The following TSPEAR variants were observed in gnomAD, a reference collection of about 807,000 sequenced individuals.
TSPEAR encodes the protein thrombospondin type laminin G domain and EAR repeats, also known as thrombospondin-type laminin G domain and EAR repeat-containing protein.
A neutral mutation model predicts 71.6 loss-of-function variants in TSPEAR; 69 were observed. The observed-to-expected ratio is 0.96, with a 90% confidence interval of 0.79 to 1.18. The LOEUF (loss-of-function observed/expected upper bound fraction) is 1.18. TSPEAR is among the 50% of genes most tolerant of loss of function. The pLI is 0.00. For synonymous variants in TSPEAR, 402 were observed against 387.2 expected, an observed-to-expected ratio of 1.04 and a Z score of -0.45; for missense variants, 971 against 894.9, an observed-to-expected ratio of 1.09 and a Z score of -1.09.
intron 2 of TSPEAR, among the ~76,000 whole-genome samples, chr21:44,538,519 G>A (rs1158261707): frequency 2.0e-5 from 3 of 151,552 alleles, no homozygotes; most frequent in African/African-American, 7.3e-5. Context: ...TGTTCCCATC[G>A]AGTCCCTTGT....
At chr21:44,676,289 G>A in intron 1 of TSPEAR, 1 of 1,225,838 alleles carries the variant, frequency 8.2e-7, no homozygotes, top group Non-Finnish European at 1.2e-6. Context: ...AGGGACTCTG[G>A]AGGGATAGCT....
intron 1 of TSPEAR, among the ~76,000 whole-genome samples, chr21:44,613,273 AC>A (rs1296255417): frequency 3.9e-5 from 6 of 152,162 alleles, no homozygotes; most frequent in Admixed American, 1.3e-4. Flanking sequence ...TCCAGCCATG[AC>A]CGTTTCTAGG....
chr21:44,541,219 T>C (rs1555917204), intron 2 of TSPEAR, among the ~76,000 whole-genome samples: 1 of 152,224 alleles, frequency 6.6e-6, no homozygotes, highest in Non-Finnish European at 1.5e-5. Flanking sequence ...CCTAAAATCA[T>C]GCCTGGCCCA....
chr21:44,682,084 AGGCT>A, intron 1 of TSPEAR: 3 of 1,613,928 alleles, frequency 1.9e-6, no homozygotes, highest in Non-Finnish European at 2.5e-6. Context: ...GGCGCGCAGC[AGGCT>A]GGCTGGCAGC....
In TSPEAR at chr21:44,627,240, A is replaced by G. The variant is rs782801889; in HGVS notation, c.83-59235T>C. Reference sequence around the variant, plus strand: ...ACTCCTGGCAGGTGGACGACTGCCCAGAGAGCTGCTGTGAGCCCCCCTGCT... The same window carrying G: ...ACTCCTGGCAGGTGGACGACTGCCCGGAGAGCTGCTGTGAGCCCCCCTGCT... On this transcript the variant is annotated intron_variant, in intron 1 of 11. Coordinates refer to ENST00000323084, the MANE Select transcript of TSPEAR (RefSeq NM_144991.3). 8.7e-6 allele frequency: 14 copies of G among 1,612,728 alleles called. No homozygotes were observed. In the African/African-American group the frequency reaches 9.3e-5, roughly 11 times the overall value.
intron 2 of TSPEAR, chr21:44,558,213 G>A: frequency 6.4e-7 from 1 of 1,565,572 alleles, no homozygotes; most frequent in South Asian, 1.1e-5. Context: ...ACAGCAGGTG[G>A]ACCTGCACAC....
chr21:44,677,788 G>T, intron 1 of TSPEAR: 2 of 1,300,778 alleles, frequency 1.5e-6, no homozygotes, highest in Admixed American at 1.7e-5. Context: ...GATTTCTTTG[G>T]CAATGGAACA....
chr21:44,707,774 C>T (rs887355622), intron 1 of TSPEAR, among the ~76,000 whole-genome samples: 4 of 152,094 alleles, frequency 2.6e-5, no homozygotes, highest in Non-Finnish European at 4.4e-5. Context: ...GGCTAAGCCT[C>T]TGATTCTCTA....
At chr21:44,609,918 T>C (rs1157258533) in intron 1 of TSPEAR, among the ~76,000 whole-genome samples, 1 of 152,196 alleles carries the variant, frequency 6.6e-6, no homozygotes, top group Non-Finnish European at 1.5e-5. Context: ...GAGAAAGTAC[T>C]TTCCTCCACA....
intron 2 of TSPEAR, among the ~76,000 whole-genome samples, chr21:44,541,125 C>T (rs587677248): frequency 1.5e-3 from 224 of 152,240 alleles, no homozygotes; most frequent in Middle Eastern, 0.014. Flanking sequence ...ATTGTCCTTG[C>T]TGTCCTCAGC....
intron 1 of TSPEAR, among the ~76,000 whole-genome samples, chr21:44,674,375 A>G (rs914978778): frequency 1.3e-5 from 2 of 152,058 alleles, no homozygotes; most frequent in South Asian, 4.1e-4. Context: ...CCAATACACA[A>G]AATCAGAAAT....
chr21:44,499,600 C>G lies in TSPEAR; in HGVS notation c.*183G>C, dbSNP rs907026381. On this transcript the variant is annotated 3_prime_UTR_variant, in exon 12 of 12. Coordinates refer to ENST00000323084, the MANE Select transcript of TSPEAR (RefSeq NM_144991.3). ...TCACTGGGGCTGTGGCTCAGAAGGACTCAGAGGTGGATGGATGTCCCTGCC... is the reference window on the plus strand; with the variant it reads ...TCACTGGGGCTGTGGCTCAGAAGGAGTCAGAGGTGGATGGATGTCCCTGCC... 1 of 591,758 alleles carries G rather than the reference C, an allele frequency of 1.7e-6. No homozygotes were observed. Among genetic ancestry groups the G allele is most frequent in the Non-Finnish European group, 2.8e-6 (1 of 351,400 alleles). The allele number at this position is 591,758 out of a possible 1,614,324, so 36.7% of individuals were successfully genotyped here. A position where few individuals can be genotyped will look rare whatever the true frequency, so the allele number is the denominator to read the frequency against.
intron 2 of TSPEAR, among the ~76,000 whole-genome samples, chr21:44,547,022 C>A (rs1216629683): frequency 6.6e-6 from 1 of 152,146 alleles, no homozygotes; most frequent in Non-Finnish European, 1.5e-5. Flanking sequence ...TTGATGGTGT[C>A]CCACAGGTCT....
chr21:44,672,440 G>A (rs1601551472), intron 1 of TSPEAR, among the ~76,000 whole-genome samples: 2 of 152,302 alleles, frequency 1.3e-5, no homozygotes, highest in South Asian at 4.1e-4. Context: ...CGTGGTGGCA[G>A]GTGCCTGTAG....
chr21:44,646,358 A>T, intron 1 of TSPEAR: 1 of 1,488,068 alleles, frequency 6.7e-7, no homozygotes, highest in Non-Finnish European at 9.0e-7. Context: ...CCAGGGAGGG[A>T]TTTAAAAGCC....
intron 2 of TSPEAR, chr21:44,558,000 G>C (rs373079229): frequency 6.4e-7 from 1 of 1,563,840 alleles, no homozygotes; most frequent in Non-Finnish European, 8.7e-7. Context: ...AAGGATTTTC[G>C]GAAGTCAGAG....
chr21:44,541,630 G>A (rs1555917243), intron 2 of TSPEAR, among the ~76,000 whole-genome samples: 1 of 152,196 alleles, frequency 6.6e-6, no homozygotes, highest in Admixed American at 6.5e-5. Context: ...AGAGCTTTTA[G>A]TAGTCTCATG....
At chr21:44,651,598 C>A (rs1465455596) in intron 1 of TSPEAR, among the ~76,000 whole-genome samples, 1 of 152,178 alleles carries the variant, frequency 6.6e-6, no homozygotes, top group Non-Finnish European at 1.5e-5. Flanking sequence ...ATGACCTTCT[C>A]CTCTGGCCAA....
intron 8 of TSPEAR, 23 bp downstream of exon 8, chr21:44,525,630 T>G (rs782596104): frequency 8.7e-6 from 14 of 1,610,278 alleles, no homozygotes; most frequent in Non-Finnish European, 1.2e-5. Flanking sequence ...TGCCTCCCGG[T>G]GTGAAGGCCA....
Sources: gnomAD v4.1 joint callset for allele counts (sites outside exome capture counted in the v4.1 genomes callset) on GRCh38, gnomAD v4.1.1 for gene constraint, MANE v1.5 for transcripts, NCBI Gene and HGNC (gene_info 2026-07-23, HGNC 2026-07-21) for gene names.